The following SMOC2 variants were observed in gnomAD, a reference collection of about 807,000 sequenced individuals.
The protein encoded by SMOC2 is SPARC related modular calcium binding 2, also known as SPARC-related modular calcium-binding protein 2.
In SMOC2, 39 loss-of-function variants were observed where a neutral mutation model predicts 61.4. That is an observed-to-expected ratio of 0.64 (90% CI 0.49 to 0.83). The LOEUF is 0.83. Among genes scored for constraint, SMOC2 ranks in the 40% least tolerant of loss-of-function variants. SMOC2 has a pLI of 0.00. For missense variants in SMOC2, 556 were observed against 592.9 expected, an observed-to-expected ratio of 0.94 and a Z score of 0.65; for synonymous variants, 247 against 239.9, an observed-to-expected ratio of 1.03 and a Z score of -0.27.
chr6:168,652,876 G>A lies in SMOC2; in HGVS notation c.1011-78G>A, dbSNP rs577576262. The A allele has an allele frequency of 1.2e-4, 169 of 1,413,658 alleles. No individual in the cohort carries two copies. The African/African-American group carries it at 2.3e-3, about 19-fold the overall frequency. The allele number at this position is 1,413,658 out of a possible 1,614,324, so 87.6% of individuals were successfully genotyped here. On this transcript the variant is annotated intron_variant, in intron 10 of 12. Transcript: ENST00000356284. ...ATGAGAACTACAAGCAGGGGTTATG[G>A]GTTTGAGGGAAGGACAGTGGCCAGG...
At chr6:168,534,972 T>C (rs962910145) in intron 4 of SMOC2, among the ~76,000 whole-genome samples, 3 of 152,114 alleles carry the variant, frequency 2.0e-5, no homozygotes, top group African/African-American at 7.2e-5. Context: ...TTTTTATTTA[T>C]TTATTTATTT....
At chr6:168,569,697 G>A (rs552721439) in intron 7 of SMOC2, among the ~76,000 whole-genome samples, 68 of 152,268 alleles carry the variant, frequency 4.5e-4, no homozygotes, top group African/African-American at 1.6e-3. Context: ...GCCTGTCTCG[G>A]CCTTCCAGAG....
intron 8 of SMOC2, among the ~76,000 whole-genome samples, chr6:168,601,620 G>C (rs946641486): frequency 2.0e-5 from 3 of 152,142 alleles, no homozygotes; most frequent in Admixed American, 2.0e-4. Context: ...CATATAAGTT[G>C]GGGCAGCCCC....
intron 1 of SMOC2, among the ~76,000 whole-genome samples, chr6:168,500,663 T>G (rs961278275): frequency 2.6e-5 from 4 of 152,162 alleles, no homozygotes; most frequent in African/African-American, 9.7e-5. Context: ...GGCCAGACAC[T>G]GCTGGACTCC....
At chr6:168,653,321 A>C in intron 11 of SMOC2, 93 bp downstream of exon 11, 1 of 1,447,436 alleles carries the variant, frequency 6.9e-7, no homozygotes, top group East Asian at 2.3e-5. Context: ...GATTGTGTTT[A>C]TGGCCTGGGA....
chr6:168,447,328 G>C (rs1781353650), intron 1 of SMOC2, among the ~76,000 whole-genome samples: 1 of 152,130 alleles, frequency 6.6e-6, no homozygotes, highest in Admixed American at 6.5e-5. Context: ...ACTGTGGCTG[G>C]TCATCGATTT....
At chr6:168,656,507 TA>T (rs5881805) in intron 11 of SMOC2, among the ~76,000 whole-genome samples, 9,490 of 86,544 alleles carry the variant, frequency 0.11, 580 homozygotes, top group East Asian at 0.45. Context: ...GACTTTGTGT[TA>T]AAAAAAAAAA....
At chr6:168,532,619 A>C (rs1444671186) in intron 4 of SMOC2, among the ~76,000 whole-genome samples, 1 of 152,198 alleles carries the variant, frequency 6.6e-6, no homozygotes, top group Non-Finnish European at 1.5e-5. Flanking sequence ...GGTTCCTGGC[A>C]TGAGTACAAA....
rs1001239912 is a variant in SMOC2 at position 168,553,744 on chromosome 6, G to C, written c.637+4541G>C. 6.6e-6 allele frequency among the ~76,000 whole-genome samples: 1 copy of C among 152,344 alleles called. No individual in the cohort carries two copies. The highest frequency in any genetic ancestry group is 1.5e-5 in the Non-Finnish European group (1 of 68,032). On this transcript the variant is annotated intron_variant, in intron 7 of 12. Transcript: ENST00000356284. The surrounding 1 kb of genome is among the most constrained non-coding windows in gnomAD (Gnocchi z 4.2). ...GGGGCGAGGAGGCATCCAGGCTCAC[G>C]GGACGGTTTCTGTATCACGGTTGCC... is the stretch of plus-strand genomic sequence containing the variant.
intron 4 of SMOC2, among the ~76,000 whole-genome samples, chr6:168,538,300 G>C (rs1783788327): frequency 6.9e-6 from 1 of 145,396 alleles, no homozygotes; most frequent in South Asian, 2.3e-4. Context: ...GGGGGAGTGG[G>C]GTGACCCCTG....
chr6:168,562,210 A>G (rs376979890), intron 7 of SMOC2, among the ~76,000 whole-genome samples: 3 of 5,102 alleles, frequency 5.9e-4, no homozygotes, highest in Non-Finnish European at 7.3e-4. Context: ...TCATTTTCAT[A>G]CCCTGAGACA....
intron 9 of SMOC2, among the ~76,000 whole-genome samples, chr6:168,629,915 G>A (rs756467281): frequency 1.3e-5 from 2 of 152,170 alleles, no homozygotes; most frequent in Non-Finnish European, 2.9e-5. Context: ...CCCTTTCAAA[G>A]CTTATTCTTT....
Position 168,453,615 on chromosome 6 carries a change from CCTGTCT to C in SMOC2, c.84+12170_84+12175del, listed in dbSNP as rs1781513994. ...CTCTTTCTGTCTGTCTCTGTTTCTTCCTGTCTCTGTCTCTTTGTCTCTCTCTGTCTC... is the reference window on the plus strand; with the variant it reads ...CTCTTTCTGTCTGTCTCTGTTTCTTCCTGTCTCTTTGTCTCTCTCTGTCTC... On this transcript the variant is annotated intron_variant, in intron 1 of 12. Coordinates refer to ENST00000356284, the MANE Select transcript of SMOC2 (RefSeq NM_001166412.2). This position sits in a 1 kb window ranked among gnomAD's most constrained non-coding sequence, Gnocchi z 4.4. Among the ~76,000 whole-genome samples, 1 of 151,580 alleles carries C rather than the reference CCTGTCT, an allele frequency of 6.6e-6. No homozygotes were observed. Among genetic ancestry groups the C allele is most frequent in the Non-Finnish European group, 1.5e-5 (1 of 67,892 alleles).
intron 1 of SMOC2, among the ~76,000 whole-genome samples, chr6:168,470,067 T>C (rs1781935868): frequency 6.6e-6 from 1 of 152,218 alleles, no homozygotes; most frequent in Admixed American, 6.5e-5. Flanking sequence ...TCCATCACAA[T>C]TGCCCACAAG....
chr6:168,638,668 C>G (rs148617661), intron 9 of SMOC2, among the ~76,000 whole-genome samples: 1 of 152,124 alleles, frequency 6.6e-6, no homozygotes, highest in African/African-American at 2.4e-5. Context: ...TGCTCCCAGC[C>G]CTTCCTAACT....
At chr6:168,521,943 G>T (rs932188558) in intron 2 of SMOC2, among the ~76,000 whole-genome samples, 1 of 152,110 alleles carries the variant, frequency 6.6e-6, no homozygotes, top group Admixed American at 6.6e-5. Context: ...TAAAGTCCCG[G>T]CTCTGCAGGT....
chr6:168,606,858 C>T (rs1035258622), intron 8 of SMOC2, among the ~76,000 whole-genome samples: 1 of 152,086 alleles, frequency 6.6e-6, no homozygotes, highest in Admixed American at 6.6e-5. Flanking sequence ...GCGGGCACTG[C>T]GTCTCCCAGT....
chr6:168,617,242 G>A (rs555843269), intron 9 of SMOC2, among the ~76,000 whole-genome samples: 21 of 152,170 alleles, frequency 1.4e-4, no homozygotes, highest in Middle Eastern at 3.4e-3. Flanking sequence ...AAACAAAGGC[G>A]TTTTATTTTC....
intron 1 of SMOC2, among the ~76,000 whole-genome samples, chr6:168,457,132 C>T (rs984467888): frequency 3.9e-5 from 6 of 152,352 alleles, no homozygotes; most frequent in African/African-American, 9.6e-5. Context: ...CCGCCACGCC[C>T]CTCTCCAGCT....
Sources: allele counts gnomAD v4.1 joint callset (sites outside exome capture counted in the v4.1 genomes callset), GRCh38; gene constraint gnomAD v4.1.1; non-coding constraint Gnocchi (gnomAD v3.1); transcripts MANE v1.5; gene names NCBI Gene and HGNC (gene_info 2026-07-23, HGNC 2026-07-21).